The following LDB2 variants were observed in gnomAD, a reference collection of about 807,000 sequenced individuals.
LDB2 encodes the protein LIM domain binding 2, also known as LIM domain-binding protein 2.
A neutral mutation model predicts 44.3 loss-of-function variants in LDB2; 12 were observed. The ratio of observed to expected loss-of-function variants is 0.27; its 90% confidence interval spans 0.17 to 0.44. LDB2 has a LOEUF of 0.44. LDB2 is among the 20% of genes least tolerant of loss of function. The pLI is 1.00. For missense variants in LDB2, 344 were observed against 473.5 expected (o/e 0.73, Z 2.54); for synonymous variants, 164 against 174.8 (o/e 0.94, Z 0.49).
intron 1 of LDB2, among the ~76,000 whole-genome samples, chr4:16,762,336 C>T (rs1768107595): frequency 6.6e-6 from 1 of 152,208 alleles, no homozygotes; most frequent in South Asian, 2.1e-4. Flanking sequence ...TGTATTACTT[C>T]TCATTTGCTT....
At chr4:16,596,496 T>C (rs952987129) in intron 2 of LDB2, among the ~76,000 whole-genome samples, 1 of 152,168 alleles carries the variant, frequency 6.6e-6, no homozygotes, top group African/African-American at 2.4e-5. Flanking sequence ...TTGGGGTCTC[T>C]AACTGCATGT....
intron 1 of LDB2, among the ~76,000 whole-genome samples, chr4:16,798,570 A>G (rs979568602): frequency 2.0e-5 from 3 of 152,224 alleles, no homozygotes; most frequent in African/African-American, 4.8e-5. Flanking sequence ...GTCTTGGTAG[A>G]CAGGCCACCT....
chr4:16,565,110 G>A (rs1744023009), intron 5 of LDB2, among the ~76,000 whole-genome samples: 2 of 152,080 alleles, frequency 1.3e-5, no homozygotes, highest in African/African-American at 2.4e-5. Flanking sequence ...CTATCATGAC[G>A]AAATTAGTTT....
At chr4:16,626,048 G>A (rs186748802) in intron 2 of LDB2, among the ~76,000 whole-genome samples, 3 of 152,150 alleles carry the variant, frequency 2.0e-5, no homozygotes, top group Non-Finnish European at 4.4e-5. Flanking sequence ...GCAGCACACT[G>A]CATATTTGAT....
intron 2 of LDB2, among the ~76,000 whole-genome samples, chr4:16,620,417 C>T (rs552901429): frequency 5.3e-5 from 8 of 152,302 alleles, no homozygotes; most frequent in African/African-American, 1.9e-4. Flanking sequence ...AAACCAACAA[C>T]AAGCTAAGAC....
intron 2 of LDB2, among the ~76,000 whole-genome samples, chr4:16,612,415 C>T (rs576530048): frequency 4.6e-5 from 7 of 151,892 alleles, no homozygotes; most frequent in East Asian, 3.9e-4. Context: ...AAACAATCAA[C>T]GAATCCAGGA....
chr4:16,710,287 G>C (rs1755585266), intron 2 of LDB2, among the ~76,000 whole-genome samples: 2 of 152,142 alleles, frequency 1.3e-5, no homozygotes, highest in Non-Finnish European at 2.9e-5. Context: ...TGGCCTGTGA[G>C]GAAAAGAAGG....
chr4:16,506,789 C>T (rs1719656441), intron 7 of LDB2: 1 of 152,160 alleles, frequency 6.6e-6, no homozygotes, highest in Non-Finnish European at 1.5e-5. Context: ...GTACCTGGCA[C>T]AGTGTGGGCA....
At chr4:16,810,442 T>C (rs557332856) in intron 1 of LDB2, among the ~76,000 whole-genome samples, 3 of 152,366 alleles carry the variant, frequency 2.0e-5, no homozygotes, top group South Asian at 2.1e-4. Context: ...AGTTTTTCAA[T>C]TGTATATGAG....
At chr4:16,544,607 A>G (rs1735045843) in intron 5 of LDB2, among the ~76,000 whole-genome samples, 1 of 152,188 alleles carries the variant, frequency 6.6e-6, no homozygotes, top group Non-Finnish European at 1.5e-5. Context: ...TGGTGTGAAG[A>G]TGAACCAGCA....
At chr4:16,700,098 T>C (rs1194974297) in intron 2 of LDB2, among the ~76,000 whole-genome samples, 1 of 152,140 alleles carries the variant, frequency 6.6e-6, no homozygotes, top group Non-Finnish European at 1.5e-5. Context: ...AAATCCAAAA[T>C]CCAGAATGCT....
chr4:16,650,161 A>G (rs932326080), intron 2 of LDB2, among the ~76,000 whole-genome samples: 1 of 152,210 alleles, frequency 6.6e-6, no homozygotes, highest in Non-Finnish European at 1.5e-5. Flanking sequence ...CACCACTTCC[A>G]AGCTCTGTGA....
chr4:16,782,122 T>G (rs960769966), intron 1 of LDB2, among the ~76,000 whole-genome samples: 2 of 152,134 alleles, frequency 1.3e-5, no homozygotes, highest in Non-Finnish European at 2.9e-5. Context: ...TCCATACTAT[T>G]CCAAACCGCA....
chr4:16,790,613 G>A (rs1396156794), intron 1 of LDB2, among the ~76,000 whole-genome samples: 5 of 150,732 alleles, frequency 3.3e-5, no homozygotes, highest in Non-Finnish European at 7.4e-5. Context: ...TTTTCAGAAC[G>A]TATCCTTGTC....
chr4:16,611,026 A>G (rs1578192808), intron 2 of LDB2, among the ~76,000 whole-genome samples: 1 of 152,008 alleles, frequency 6.6e-6, no homozygotes, highest in African/African-American at 2.4e-5. Flanking sequence ...CTCAGCAGAA[A>G]CTCTACAAGC....
intron 1 of LDB2, among the ~76,000 whole-genome samples, chr4:16,825,952 T>C (rs1782983079): frequency 6.6e-6 from 1 of 151,862 alleles, no homozygotes; most frequent in African/African-American, 2.4e-5. Flanking sequence ...TGTGCCTATG[T>C]ATGTATAATA....
chr4:16,706,237 G>C (rs1296517395), intron 2 of LDB2, among the ~76,000 whole-genome samples: 1 of 152,164 alleles, frequency 6.6e-6, no homozygotes, highest in Admixed American at 6.5e-5. Flanking sequence ...ATATGAGGAA[G>C]TCCTAACCTT....
intron 2 of LDB2, among the ~76,000 whole-genome samples, chr4:16,676,453 C>G (rs1746365484): frequency 6.6e-6 from 1 of 152,182 alleles, no homozygotes; most frequent in South Asian, 2.1e-4. Flanking sequence ...CACGGAACAC[C>G]CTGGGGATCT....
intron 2 of LDB2, chr4:16,752,262 A>G (rs531460409): frequency 3.2e-6 from 1 of 313,464 alleles, no homozygotes; most frequent in East Asian, 9.5e-5. Context: ...CACTCTTTAC[A>G]TATAAGTTGC....
Sources: allele counts gnomAD v4.1 joint callset (sites outside exome capture counted in the v4.1 genomes callset), GRCh38; gene constraint gnomAD v4.1.1; transcripts MANE v1.5; gene names NCBI Gene and HGNC (gene_info 2026-07-23, HGNC 2026-07-21).